ERBIN: variants seen among roughly 807,000 people sequenced by gnomAD.
ERBIN encodes erbb2 interacting protein, also known as densin-180-like protein.
A neutral mutation model predicts 158.4 loss-of-function variants in ERBIN; 60 were observed. That is an observed-to-expected ratio of 0.38 (90% CI 0.31 to 0.47). The LOEUF (loss-of-function observed/expected upper bound fraction) is 0.47, where lower values mean the gene tolerates loss of function less well. Ranked by LOEUF, ERBIN falls within the 20% of genes least tolerant of loss-of-function variation. The pLI is 0.99. For synonymous variants in ERBIN, 594 were observed against 557.2 expected (o/e 1.07, Z -0.93); for missense variants, 1,610 against 1,648.0 (o/e 0.98, Z 0.40).
chr5:66,063,668 G>A (rs1348874343), intron 21 of ERBIN, among the ~76,000 whole-genome samples: 6 of 152,026 alleles, frequency 3.9e-5, no homozygotes, highest in African/African-American at 1.2e-4. Flanking sequence ...GTTCCTATTC[G>A]GCCATCTTGG....
chr5:66,053,548 A>G lies in ERBIN; in HGVS notation c.2230A>G (p.Ile744Val). The change falls in exon 21 of 26, where the codon ATT becomes GTT. Residue 744 changes from isoleucine to valine, a missense_variant. Around this residue, in one of 2 missense-constraint regions of ERBIN, gnomAD observed 1,014 missense variants for 936.1 expected, o/e 1.08. Coordinates refer to ENST00000284037, the MANE Select transcript of ERBIN (RefSeq NM_001253697.2). ...DLNVEERLVL[I>V]EKSVDSTATA... The stretch of plus-strand genomic sequence containing the variant: ...GAATGTTGAAGAGCGATTAGTTCTA[A>G]TTGAGAAAAGTGTTGACTCAACAGC... 1 of 1,611,330 alleles carries G rather than the reference A, an allele frequency of 6.2e-7. No homozygotes were observed. The highest frequency in any genetic ancestry group is 8.5e-7 in the Non-Finnish European group (1 of 1,179,292).
chr5:65,961,457 A>G (rs1747903100), intron 1 of ERBIN: 1 of 152,220 alleles, frequency 6.6e-6, no homozygotes, highest in South Asian at 2.1e-4. Flanking sequence ...AAACACATCT[A>G]CTGGCCTGAA....
chr5:65,946,312 T>C (rs538816924), intron 1 of ERBIN, among the ~76,000 whole-genome samples: 97 of 152,190 alleles, frequency 6.4e-4, no homozygotes, highest in Non-Finnish European at 2.4e-4. Context: ...TGCAGTGAGC[T>C]GAGATTACAC....
At chr5:65,992,340 G>A (rs1198388229) in intron 2 of ERBIN, among the ~76,000 whole-genome samples, 1 of 152,026 alleles carries the variant, frequency 6.6e-6, no homozygotes, top group Non-Finnish European at 1.5e-5. Flanking sequence ...AGGAGAGACG[G>A]GGTTTCACTC....
chr5:66,031,877 AT>A, intron 14 of ERBIN, among the ~76,000 whole-genome samples: 1 of 151,900 alleles, frequency 6.6e-6, no homozygotes, highest in Non-Finnish European at 1.5e-5. Context: ...ATTTTTGTCT[AT>A]TTTTTACCCC....
rs1481713565 is a variant in ERBIN, at chr5:66,081,895, T to G, written c.*3365T>G. The G allele has an allele frequency of 6.6e-6, 1 of 151,358 alleles. No individual in the cohort carries two copies. The allele number at this position is 151,358 out of a possible 1,614,324, so 9.4% of individuals were successfully genotyped here. On this transcript the variant is annotated 3_prime_UTR_variant, in exon 26 of 26. Transcript: ENST00000284037. Reference sequence around the variant, plus strand: ...TTGATGAACAAGTGAACAAGATGCCTCTTTAAAAAAAAAAAAGAAAAAGTA... The same window carrying G: ...TTGATGAACAAGTGAACAAGATGCCGCTTTAAAAAAAAAAAAGAAAAAGTA...
In ERBIN at chr5:66,046,493, C is replaced by A. The variant is rs1223947696; in HGVS notation, c.1743C>A (p.Ala581=). Residue 581 remains alanine (A), a synonymous_variant, in exon 18 of 26, where the codon GCC becomes GCA. Coordinates refer to ENST00000284037, the MANE Select transcript of ERBIN (RefSeq NM_001253697.2). ...TACCAGTGACTGCAAATATGAAAGCCTCTGAGAACTTGAAGCATATTGTTA... is the reference window on the plus strand; with the variant it reads ...TACCAGTGACTGCAAATATGAAAGCATCTGAGAACTTGAAGCATATTGTTA... ...GSLPVTANMK[A]SENLKHIVNH... 2 of 1,606,968 alleles carry A rather than the reference C, an allele frequency of 1.2e-6. No individual in the cohort carries two copies. The highest frequency in any genetic ancestry group is 1.7e-6 in the Non-Finnish European group (2 of 1,176,750).
chr5:65,932,309 A>G (rs1285270740), intron 1 of ERBIN, among the ~76,000 whole-genome samples: 5 of 149,568 alleles, frequency 3.3e-5, no homozygotes, highest in South Asian at 2.2e-4. Context: ...ACTGCATTCC[A>G]GCCTGGCGAC....
At chr5:66,003,889 A>T (rs1175760283) in intron 4 of ERBIN, among the ~76,000 whole-genome samples, 3 of 147,228 alleles carry the variant, frequency 2.0e-5, no homozygotes, top group Non-Finnish European at 4.5e-5. Flanking sequence ...TGTGATATCT[A>T]ATCTAGAGCT....
chr5:65,977,211 T>C (rs1299001716), intron 1 of ERBIN, among the ~76,000 whole-genome samples: 8 of 102,738 alleles, frequency 7.8e-5, no homozygotes, highest in Admixed American at 2.9e-4. Flanking sequence ...CCCCCCCACC[T>C]CCCTCCCGGA....
intron 5 of ERBIN, among the ~76,000 whole-genome samples, chr5:66,012,547 A>G (rs1754314269): frequency 6.6e-6 from 1 of 152,242 alleles, no homozygotes; most frequent in African/African-American, 2.4e-5. Context: ...ACAAAACAAT[A>G]ACAAAAAAAG....
intron 1 of ERBIN, among the ~76,000 whole-genome samples, chr5:65,946,169 A>C (rs1745716885): frequency 1.3e-5 from 2 of 152,112 alleles, no homozygotes. Context: ...GTTCAAGACC[A>C]GCCTGGGCAA....
At chr5:66,034,291 T>C (rs192601696) in intron 14 of ERBIN, among the ~76,000 whole-genome samples, 6 of 151,824 alleles carry the variant, frequency 4.0e-5, no homozygotes, top group Admixed American at 3.3e-4. Flanking sequence ...TCCATACTCA[T>C]AGCTGTTTTT....
At chr5:66,004,035 T>G (rs1753289424) in intron 4 of ERBIN, among the ~76,000 whole-genome samples, 1 of 146,804 alleles carries the variant, frequency 6.8e-6, no homozygotes, top group Admixed American at 6.9e-5. Context: ...ACTCTTGGAC[T>G]CAAGGGAGGC....
At chr5:65,983,424 C>G (rs751710371) in intron 1 of ERBIN, among the ~76,000 whole-genome samples, 3 of 151,386 alleles carry the variant, frequency 2.0e-5, no homozygotes, top group Non-Finnish European at 4.4e-5. Context: ...TTTTTTTTTA[C>G]TCTTCTTACC....
chr5:65,938,370 T>C (rs1172113962), intron 1 of ERBIN, among the ~76,000 whole-genome samples: 1 of 100,870 alleles, frequency 9.9e-6, no homozygotes, highest in Non-Finnish European at 2.0e-5. Context: ...CAGGCATAGG[T>C]CTTTTTTTTT....
Position 66,081,812 on chromosome 5 carries a change from T to G in ERBIN, c.*3282T>G, listed in dbSNP as rs542209221. Reference sequence around the variant, plus strand: ...TACAGCCTTCTGTTTTAATGTTCAGTGAATAGGTTTCTTATGAAATGGACA... The same window carrying G: ...TACAGCCTTCTGTTTTAATGTTCAGGGAATAGGTTTCTTATGAAATGGACA... On this transcript the variant is annotated 3_prime_UTR_variant, in exon 26 of 26. Transcript: ENST00000284037. 1 of 152,074 alleles carries G rather than the reference T, an allele frequency of 6.6e-6. No homozygotes were observed. Among genetic ancestry groups the G allele is most frequent in the South Asian group, 2.1e-4 (1 of 4,826 alleles). The allele number at this position is 152,074 out of a possible 1,614,324, so 9.4% of individuals were successfully genotyped here. A position where few individuals can be genotyped will look rare whatever the true frequency, so the allele number is the denominator to read the frequency against.
In ERBIN at chr5:65,992,717, A is replaced by C; in HGVS notation, c.-2A>C. On this transcript the variant is annotated 5_prime_UTR_variant, in exon 3 of 26. Transcript: ENST00000284037. The stretch of plus-strand genomic sequence containing the variant: ...TTTATTCGAATATTGCAGTGTCTAA[A>C]AATGACTACAAAACGAAGTTTGTTT... 6.3e-7 allele frequency: 1 copy of C among 1,586,614 alleles called. No individual in the cohort carries two copies. Among genetic ancestry groups the C allele is most frequent in the Non-Finnish European group, 8.5e-7 (1 of 1,171,164 alleles).
In ERBIN at chr5:66,053,537, G is replaced by A. The variant is rs374901776; in HGVS notation, c.2219G>A (p.Arg740Gln). 3.1e-6 allele frequency: 5 copies of A among 1,611,546 alleles called. No individual in the cohort carries two copies. The highest frequency in any genetic ancestry group is 1.1e-5 in the South Asian group (1 of 90,694). Reference sequence around the variant, plus strand: ...GAATATGATTTGAATGTTGAAGAGCGATTAGTTCTAATTGAGAAAAGTGTT... The same window carrying A: ...GAATATGATTTGAATGTTGAAGAGCAATTAGTTCTAATTGAGAAAAGTGTT... ...LPEYDLNVEERLVLIEKSVDS... is the reference protein window; with the variant it reads ...LPEYDLNVEEQLVLIEKSVDS... Residue 740 changes from arginine to glutamine, a missense_variant, in exon 21 of 26, where the codon CGA becomes CAA. Arg to Gln is a conservative substitution (Grantham distance 43). Around this residue, in one of 2 missense-constraint regions of ERBIN, gnomAD observed 1,014 missense variants for 936.1 expected, o/e 1.08. Coordinates refer to ENST00000284037, the MANE Select transcript of ERBIN (RefSeq NM_001253697.2).
Sources: allele counts gnomAD v4.1 joint callset (sites outside exome capture counted in the v4.1 genomes callset), GRCh38; gene constraint gnomAD v4.1.1; regional missense constraint gnomAD v4.1.1; transcripts MANE v1.5; gene names NCBI Gene and HGNC (gene_info 2026-07-23, HGNC 2026-07-21).